Variants in EPS15L1 observed in about 807,000 individuals in gnomAD.
EPS15L1 encodes the protein epidermal growth factor receptor pathway substrate 15 like 1.
Under a neutral mutation model 117.1 loss-of-function variants are expected in EPS15L1, and 43 were observed. The observed-to-expected ratio is 0.37, with a 90% CI of 0.29 to 0.47. EPS15L1 has a LOEUF of 0.47. Ranked by LOEUF, EPS15L1 falls within the 20% of genes least tolerant of loss-of-function variation. EPS15L1 has a pLI of 0.99. For missense variants in EPS15L1, 981 were observed against 1,164.0 expected (o/e 0.84, Z 2.29); for synonymous variants, 459 against 470.5 (o/e 0.98, Z 0.32).
At chr19:16,394,119 G>A in intron 17 of EPS15L1, 118 bp from the exon 18 acceptor site, 1 of 871,944 alleles carries the variant, frequency 1.1e-6, no homozygotes, top group Non-Finnish European at 1.9e-6. Context: ...TCCAGTGTAG[G>A]GAGAGAATGT....
At chr19:16,406,470 C>A (rs73021138) in intron 13 of EPS15L1, among the ~76,000 whole-genome samples, 3,420 of 152,304 alleles carry the variant, frequency 0.022, 59 homozygotes, top group Middle Eastern at 0.031. Flanking sequence ...ACAGAGAGAG[C>A]CTGAGGTAGC....
At chr19:16,417,787 A>C (rs1599613194) in intron 11 of EPS15L1, 150 bp from the exon 12 acceptor site, 1 of 1,194,698 alleles carries the variant, frequency 8.4e-7, no homozygotes. Context: ...CTGGGGAAAT[A>C]CCTGGGCAGC....
In EPS15L1 at chr19:16,442,267, G is replaced by A. The variant is rs771683608; in HGVS notation, c.34-48C>T. 4.0e-5 allele frequency: 62 copies of A among 1,556,750 alleles called. 1 individual carries two copies. In the South Asian group the frequency reaches 5.6e-4, roughly 14 times the overall value. On this transcript the variant is annotated intron_variant, in intron 1 of 23. Transcript: ENST00000455140. ...TGGTCAAAAGTGAACACAACCCCTT[G>A]GGGAAAAAAAGGGTTGCCCCCTCAA...
intron 1 of EPS15L1, among the ~76,000 whole-genome samples, chr19:16,444,727 G>GT (rs561228808): frequency 0.15 from 20,497 of 140,548 alleles, 1,466 homozygotes; most frequent in African/African-American, 0.16. Flanking sequence ...TTCCAGACAA[G>GT]TTTTTTTTTT....
chr19:16,461,184 G>A (rs553853655), intron 1 of EPS15L1, among the ~76,000 whole-genome samples: 202 of 151,596 alleles, frequency 1.3e-3, no homozygotes, highest in Admixed American at 1.8e-3. Context: ...GGCGCCTGTA[G>A]TCCCAGCTAC....
intron 6 of EPS15L1, 42 bp downstream of exon 6, chr19:16,436,895 T>A (rs1285939570): frequency 6.7e-7 from 1 of 1,482,864 alleles, no homozygotes; most frequent in Non-Finnish European, 9.4e-7. Flanking sequence ...AACAATTCTA[T>A]CTGAAGGAGA....
chr19:16,396,435 T>C (rs2092541723), intron 16 of EPS15L1, among the ~76,000 whole-genome samples: 1 of 152,124 alleles, frequency 6.6e-6, no homozygotes, highest in African/African-American at 2.4e-5. Context: ...CTAATTTTTA[T>C]ATTTTTTGTA....
intron 22 of EPS15L1, among the ~76,000 whole-genome samples, chr19:16,374,715 G>A (rs1436853935): frequency 6.6e-6 from 1 of 152,230 alleles, no homozygotes; most frequent in East Asian, 1.9e-4. Flanking sequence ...GAGCTGTTGA[G>A]TGGGATGGCT....
intron 12 of EPS15L1, among the ~76,000 whole-genome samples, chr19:16,416,206 C>G (rs907854727): frequency 6.6e-6 from 1 of 152,110 alleles, no homozygotes; most frequent in Non-Finnish European, 1.5e-5. Flanking sequence ...AGGATCCATC[C>G]TCCCTGGGAA....
Position 16,404,239 on chromosome 19 carries a change from T to G in EPS15L1, c.1429-309A>C, listed in dbSNP as rs1056581671. Among the ~76,000 whole-genome samples the G allele has an allele frequency of 6.6e-6, 1 of 152,122 alleles. No homozygotes were observed. Among genetic ancestry groups the G allele is most frequent in the Non-Finnish European group, 1.5e-5 (1 of 68,014 alleles). On this transcript the variant is annotated intron_variant, in intron 14 of 23. Coordinates refer to ENST00000455140, the MANE Select transcript of EPS15L1 (RefSeq NM_001258374.3). The surrounding 1 kb of genome is among the most constrained non-coding windows in gnomAD (Gnocchi z 4.2). ...CTGAACGTCATAGAGTTTTCTGAGGTTGCAGCCTCCGGGATCTGTGAGGAG... is the reference window on the plus strand; with the variant it reads ...CTGAACGTCATAGAGTTTTCTGAGGGTGCAGCCTCCGGGATCTGTGAGGAG...
Position 16,471,424 on chromosome 19 carries a change from G to A in EPS15L1, c.33+489C>T, listed in dbSNP as rs768417176. ...ACGTACGATCTGCGCCCGGTGCAGG[G>A]GTGGCGGAAGCAGCTTCCAAGGAGG... On this transcript the variant is annotated intron_variant, in intron 1 of 23. Transcript: ENST00000455140. The surrounding 1 kb of genome is among the most constrained non-coding windows in gnomAD (Gnocchi z 4.8). Among the ~76,000 whole-genome samples, 1 of 152,222 alleles carries A rather than the reference G, an allele frequency of 6.6e-6. No homozygotes were observed. Among genetic ancestry groups the A allele is most frequent in the Non-Finnish European group, 1.5e-5 (1 of 68,034 alleles).
At chr19:16,397,058 A>G (rs2092547965) in intron 16 of EPS15L1, among the ~76,000 whole-genome samples, 1 of 152,118 alleles carries the variant, frequency 6.6e-6, no homozygotes, top group Non-Finnish European at 1.5e-5. Context: ...AAAGACAGTG[A>G]AGATGGTCAA....
chr19:16,361,845 T>C lies in EPS15L1; in HGVS notation c.2520A>G (p.Pro840=), dbSNP rs773159492. 3 of 1,613,796 alleles carry C rather than the reference T, an allele frequency of 1.9e-6. No homozygotes were observed. The highest frequency in any genetic ancestry group is 2.5e-6 in the Non-Finnish European group (3 of 1,179,988). The change falls in exon 23 of 24, where the codon CCA becomes CCG. Residue 840 remains proline (P), a synonymous_variant. Coordinates refer to ENST00000455140, the MANE Select transcript of EPS15L1 (RefSeq NM_001258374.3). The part of the protein sequence containing the change: ...GFGDPFSGKD[P]FVPSSAAKPS... ...GTTTAGCTGCAGAGGAGGGGACAAA[T>C]GGGTCTTTTCCACTAAACGGGTCCC...
At chr19:16,372,053 CAAG>C (rs1283404712) in intron 22 of EPS15L1, among the ~76,000 whole-genome samples, 1 of 152,216 alleles carries the variant, frequency 6.6e-6, no homozygotes, top group Non-Finnish European at 1.5e-5. Context: ...GACCTCCAGG[CAAG>C]AAGAACTTAG....
chr19:16,421,245 C>T, intron 10 of EPS15L1, 74 bp downstream of exon 10: 1 of 1,500,016 alleles, frequency 6.7e-7, no homozygotes, highest in Non-Finnish European at 9.0e-7. Flanking sequence ...CCCCTGACCA[C>T]CACCCTCCAC....
chr19:16,436,021 A>G (rs1359121937), intron 6 of EPS15L1, among the ~76,000 whole-genome samples: 1 of 152,210 alleles, frequency 6.6e-6, no homozygotes, highest in Non-Finnish European at 1.5e-5. Context: ...GGTGACAGGG[A>G]GAAACCCTTC....
chr19:16,376,883 TAC>T lies in EPS15L1; in HGVS notation c.2380+237_2380+238del, dbSNP rs538281012. On this transcript the variant is annotated intron_variant, in intron 22 of 23. Transcript: ENST00000455140. ...AAGGCCAAGGCTTTGTGCACTCCAA[TAC>T]AGAGCCAGAAGCCCAGGGGCCCACA... Among the ~76,000 whole-genome samples the T allele has an allele frequency of 3.6e-4, 55 of 152,268 alleles. No homozygotes were observed. The South Asian group carries it at 3.9e-3, about 11-fold the overall frequency.
At chr19:16,428,567 G>C in intron 8 of EPS15L1, 135 bp downstream of exon 8, 1 of 639,708 alleles carries the variant, frequency 1.6e-6, no homozygotes, top group South Asian at 2.1e-5. Context: ...GAAAAGAAAG[G>C]AAAAGGAAAG....
intron 12 of EPS15L1, among the ~76,000 whole-genome samples, chr19:16,414,127 A>G (rs73511120): frequency 1.1e-3 from 169 of 152,214 alleles, no homozygotes; most frequent in African/African-American, 3.9e-3. Flanking sequence ...CCCAAGTGTG[A>G]TAAGGACCCA....
Sources: allele counts gnomAD v4.1 joint callset (sites outside exome capture counted in the v4.1 genomes callset), GRCh38; gene constraint gnomAD v4.1.1; non-coding constraint Gnocchi (gnomAD v3.1); transcripts MANE v1.5; gene names NCBI Gene and HGNC (gene_info 2026-07-23, HGNC 2026-07-21).